PRKCI: variants seen among roughly 807,000 people sequenced by gnomAD.
PRKCI encodes protein kinase C iota.
PRKCI carries 43 observed loss-of-function variants against 84.0 expected under a neutral mutation model. The observed-to-expected ratio is 0.51, with a 90% CI of 0.40 to 0.66. The LOEUF (loss-of-function observed/expected upper bound fraction) is 0.66, where lower values mean the gene tolerates loss of function less well. Among genes scored for constraint, PRKCI ranks in the 30% least tolerant of loss-of-function variants. The pLI, the probability that PRKCI is intolerant of heterozygous loss-of-function variation, is 0.00. For synonymous variants in PRKCI, 216 were observed against 234.4 expected (o/e 0.92, Z 0.72); for missense variants, 459 against 745.6 (o/e 0.62, Z 4.48).
chr3:170,297,639 A>AT (rs1206306015), intron 16 of PRKCI, among the ~76,000 whole-genome samples: 1 of 150,704 alleles, frequency 6.6e-6, no homozygotes, highest in Admixed American at 6.6e-5. Flanking sequence ...TTTAGTAGAG[A>AT]TGGGGGGGGT....
In PRKCI at chr3:170,270,419, A is replaced by G; in HGVS notation, c.451-2A>G. 1.9e-6 allele frequency: 3 copies of G among 1,598,480 alleles called. No homozygotes were observed. The highest frequency in any genetic ancestry group is 2.6e-6 in the Non-Finnish European group (3 of 1,170,924). Reference sequence around the variant, plus strand: ...AAAATATTGTTGAATTACTCTTTTCAGCGTGCTCACTGTGCCATCTGCACA... The same window carrying G: ...AAAATATTGTTGAATTACTCTTTTCGGCGTGCTCACTGTGCCATCTGCACA... On this transcript the variant is annotated splice_acceptor_variant, in intron 5 of 17. Coordinates refer to ENST00000295797, the MANE Select transcript of PRKCI (RefSeq NM_002740.6). LOFTEE classifies it high-confidence loss of function.
chr3:170,268,131 T>C (rs974778949), intron 5 of PRKCI, 131 bp downstream of exon 5: 14 of 691,378 alleles, frequency 2.0e-5, no homozygotes, highest in Non-Finnish European at 3.2e-5. Flanking sequence ...ACCTTACATT[T>C]CCAGTTTGCC....
intron 5 of PRKCI, among the ~76,000 whole-genome samples, chr3:170,269,254 T>C (rs1472683147): frequency 6.6e-6 from 1 of 152,164 alleles, no homozygotes; most frequent in Non-Finnish European, 1.5e-5. Flanking sequence ...ACCGCAAATT[T>C]TTGGATGCCA....
At chr3:170,222,932 G>A (rs994952902) in intron 1 of PRKCI, among the ~76,000 whole-genome samples, 162 bp downstream of exon 1, 21 of 152,012 alleles carry the variant, frequency 1.4e-4, no homozygotes, top group African/African-American at 5.1e-4. Flanking sequence ...TAGGGGTGGG[G>A]GCGAAGCAAG....
At chr3:170,255,356 G>A (rs1424263159) in intron 2 of PRKCI, among the ~76,000 whole-genome samples, 1 of 151,948 alleles carries the variant, frequency 6.6e-6, no homozygotes, top group Non-Finnish European at 1.5e-5. Flanking sequence ...CACCGCGCCT[G>A]GCTGAGATCT....
At chr3:170,228,220 G>C (rs544856678) in intron 1 of PRKCI, among the ~76,000 whole-genome samples, 3 of 152,280 alleles carry the variant, frequency 2.0e-5, no homozygotes, top group Admixed American at 2.0e-4. Flanking sequence ...ATGTGGCTGA[G>C]AACGATAATA....
rs955292609 is a variant in PRKCI, at chr3:170,265,313, C to A, written c.364+1884C>A. On this transcript the variant is annotated intron_variant, in intron 4 of 17. Coordinates refer to ENST00000295797, the MANE Select transcript of PRKCI (RefSeq NM_002740.6). ...TCTGATGCACACTAAAGTTTGAGAA[C>A]CACCATTTAAAAGCTTCCCCAGGTC... Among the ~76,000 whole-genome samples, 24 of 152,244 alleles carry A rather than the reference C, an allele frequency of 1.6e-4. No homozygotes were observed. In the South Asian group the frequency reaches 2.9e-3, roughly 18 times the overall value.
chr3:170,290,570 A>T (rs1333712975), intron 12 of PRKCI, among the ~76,000 whole-genome samples: 1 of 151,726 alleles, frequency 6.6e-6, no homozygotes, highest in South Asian at 2.1e-4. Context: ...CTTTTTTCCA[A>T]ATCTTTCTCT....
At chr3:170,226,634 G>T (rs1250812534) in intron 1 of PRKCI, among the ~76,000 whole-genome samples, 2 of 152,128 alleles carry the variant, frequency 1.3e-5, no homozygotes, top group Admixed American at 1.3e-4. Flanking sequence ...TTAACTCTTT[G>T]CATATTTGGA....
chr3:170,237,716 A>G (rs1733015636), intron 2 of PRKCI, among the ~76,000 whole-genome samples: 9 of 152,198 alleles, frequency 5.9e-5, no homozygotes, highest in Admixed American at 5.9e-4. Flanking sequence ...TCCAAGCTAT[A>G]GGTAAACATA....
At position 170,278,050 on chromosome 3, in the gene PRKCI, A is replaced by G. The variant is rs1330628540; in HGVS notation, c.706-2177A>G. 2.0e-5 allele frequency among the ~76,000 whole-genome samples: 3 copies of G among 151,912 alleles called. No homozygotes were observed. The East Asian group carries it at 5.8e-4, about 29-fold the overall frequency. ...CTGAAAATGTTTTTCTTTCACTTTC[A>G]CTTTGTGAGCTACTTTTGCAGGATA... On this transcript the variant is annotated intron_variant, in intron 8 of 17. Transcript: ENST00000295797.
intron 1 of PRKCI, among the ~76,000 whole-genome samples, chr3:170,229,529 T>G (rs1010482138): frequency 2.0e-5 from 3 of 152,198 alleles, no homozygotes; most frequent in Non-Finnish European, 4.4e-5. Flanking sequence ...GCTCCTGTGC[T>G]CAAGTGATTC....
chr3:170,286,223 G>A lies in PRKCI; in HGVS notation c.1203+1627G>A, dbSNP rs973625775. Among the ~76,000 whole-genome samples the A allele has an allele frequency of 2.6e-5, 4 of 151,986 alleles. No individual in the cohort carries two copies. The South Asian group carries it at 6.2e-4, about 24-fold the overall frequency. ...ATTACAGATGTGAGCCACCATGCCCGGCCCTTACGTATTTATATTATACAA... is the reference window on the plus strand; with the variant it reads ...ATTACAGATGTGAGCCACCATGCCCAGCCCTTACGTATTTATATTATACAA... On this transcript the variant is annotated intron_variant, in intron 12 of 17. Coordinates refer to ENST00000295797, the MANE Select transcript of PRKCI (RefSeq NM_002740.6).
chr3:170,252,615 T>C (rs1166598053), intron 2 of PRKCI, among the ~76,000 whole-genome samples: 3 of 152,076 alleles, frequency 2.0e-5, no homozygotes, highest in Admixed American at 6.6e-5. Context: ...CTTTTTTTTT[T>C]TCTGAGACAG....
intron 1 of PRKCI, 69 bp downstream of exon 1, chr3:170,222,839 A>C: frequency 1.5e-5 from 3 of 198,900 alleles, no homozygotes; most frequent in East Asian, 5.6e-4. Flanking sequence ...GGAGGAGGGG[A>C]GGGTGAGGGG....
Position 170,275,279 on chromosome 3 carries a change from GA to G in PRKCI, c.702del (p.Glu235ArgfsTer3). 6.3e-7 allele frequency: 1 copy of G among 1,592,100 alleles called. No individual in the cohort carries two copies. Among genetic ancestry groups the G allele is most frequent in the South Asian group, 1.2e-5 (1 of 86,948 alleles). Reference sequence around the variant, plus strand: ...TGAGAGTTTGGATCAAGTTGGTGAAGAAAAAGAGGTAAGATAATTTGTCTTA... The same window carrying G: ...TGAGAGTTTGGATCAAGTTGGTGAAGAAAAGAGGTAAGATAATTTGTCTTA... ...SHESLDQVGE[E>X]KEAMNTRESG... On this transcript the variant is annotated frameshift_variant, in exon 8 of 18. Transcript: ENST00000295797. LOFTEE classifies it high-confidence loss of function.
chr3:170,266,681 A>G (rs1396650075), intron 4 of PRKCI, among the ~76,000 whole-genome samples: 2 of 152,250 alleles, frequency 1.3e-5, no homozygotes, highest in African/African-American at 4.8e-5. Flanking sequence ...CATCCTGGAT[A>G]GAAAAAGTGA....
chr3:170,239,838 A>T (rs530616657), intron 2 of PRKCI, among the ~76,000 whole-genome samples: 1 of 152,022 alleles, frequency 6.6e-6, no homozygotes, highest in East Asian at 1.9e-4. Context: ...AGCAATACTA[A>T]ATAATACTAT....
At chr3:170,287,421 A>G (rs1313800562) in intron 12 of PRKCI, among the ~76,000 whole-genome samples, 1 of 151,622 alleles carries the variant, frequency 6.6e-6, no homozygotes, top group Non-Finnish European at 1.5e-5. Flanking sequence ...GAATTGTCTG[A>G]TTCTTTTATG....
Sources: gnomAD v4.1 joint callset for allele counts (sites outside exome capture counted in the v4.1 genomes callset) on GRCh38, gnomAD v4.1.1 for gene constraint, MANE v1.5 for transcripts, NCBI Gene and HGNC (gene_info 2026-07-23, HGNC 2026-07-21) for gene names.